The following CPNE1 variants were observed in gnomAD, a reference collection of about 807,000 sequenced individuals.
The protein encoded by CPNE1 is copine-1.
A neutral mutation model predicts 63.2 loss-of-function variants in CPNE1; 58 were observed. That is an observed-to-expected ratio of 0.92 (90% CI 0.74 to 1.14). The LOEUF (loss-of-function observed/expected upper bound fraction) is 1.14. CPNE1 is among the 50% of genes most tolerant of loss of function. The pLI, the probability that CPNE1 is intolerant of heterozygous loss-of-function variation, is 0.00. For synonymous variants in CPNE1, 237 were observed against 249.0 expected, an observed-to-expected ratio of 0.95 and a Z score of 0.45; for missense variants, 672 against 661.7, an observed-to-expected ratio of 1.02 and a Z score of -0.17.
intron 1 of CPNE1, chr20:35,649,878 C>G (rs982094776): frequency 6.6e-6 from 1 of 152,194 alleles, no homozygotes; most frequent in Non-Finnish European, 1.5e-5. Context: ...TTGAAAATAT[C>G]ATGATAGTGT....
intron 13 of CPNE1, 137 bp from the exon 14 acceptor site, chr20:35,627,550 C>A: frequency 4.9e-6 from 4 of 818,110 alleles, no homozygotes; most frequent in African/African-American, 1.7e-5. Context: ...AACCAGGGTA[C>A]TTAACTGTCT....
chr20:35,657,681 C>T (rs928959271), intron 1 of CPNE1, among the ~76,000 whole-genome samples: 1 of 152,154 alleles, frequency 6.6e-6, no homozygotes, highest in Non-Finnish European at 1.5e-5. Flanking sequence ...CTGGAAAGGG[C>T]TGAATATTAA....
At chr20:35,647,699 G>A (rs1003755567) in intron 1 of CPNE1, among the ~76,000 whole-genome samples, 2 of 152,028 alleles carry the variant, frequency 1.3e-5, no homozygotes, top group African/African-American at 4.8e-5. Context: ...GGATGCTTTT[G>A]AGACTCTAAC....
intron 13 of CPNE1, among the ~76,000 whole-genome samples, chr20:35,628,468 A>G (rs2031911973): frequency 6.6e-6 from 1 of 152,212 alleles, no homozygotes; most frequent in Admixed American, 6.5e-5. Flanking sequence ...CAAAGTCAAC[A>G]TGACTGGTAA....
chr20:35,652,830 G>A (rs560955830), intron 1 of CPNE1: 11 of 1,604,004 alleles, frequency 6.9e-6, no homozygotes, highest in East Asian at 4.5e-5. Context: ...GGCCGGGGCC[G>A]GGGCCGGGGC....
At chr20:35,648,582 T>C (rs1298360226) in intron 1 of CPNE1, among the ~76,000 whole-genome samples, 1 of 152,238 alleles carries the variant, frequency 6.6e-6, no homozygotes, top group Non-Finnish European at 1.5e-5. Context: ...ATTATATGTC[T>C]AGCCCCCTCT....
chr20:35,632,928 G>A lies in CPNE1; in HGVS notation c.1-5C>T, dbSNP rs574167134. ...CAAGGTCACGCAGTGGGCCATCTGA[G>A]GGAAAAGGAGCTGGGTCAAGCACCA... On this transcript the variant is annotated splice_polypyrimidine_tract_variant and splice_region_variant and intron_variant, in intron 1 of 15. Transcript: ENST00000397443. 2 of 870,234 alleles carry A rather than the reference G, an allele frequency of 2.3e-6. No homozygotes were observed. The highest frequency in any genetic ancestry group is 1.6e-5 in the African/African-American group (1 of 61,402). 53.9% of individuals were successfully genotyped at this position (870,234 alleles called of 1,614,324 possible).
intron 1 of CPNE1, among the ~76,000 whole-genome samples, chr20:35,659,246 G>C (rs1018086391): frequency 6.6e-6 from 1 of 151,662 alleles, no homozygotes; most frequent in Non-Finnish European, 1.5e-5. Context: ...ATTTACAAGA[G>C]TGTCATTAAC....
intron 1 of CPNE1, chr20:35,649,365 G>A (rs1331225744): frequency 6.6e-6 from 1 of 152,146 alleles, no homozygotes; most frequent in Non-Finnish European, 1.5e-5. Context: ...TTTTATGCAA[G>A]GCTGACTATT....
intron 14 of CPNE1, 24 bp downstream of exon 14, chr20:35,627,250 ACCACTG>A: frequency 6.4e-7 from 1 of 1,556,068 alleles, no homozygotes; most frequent in South Asian, 1.1e-5. Flanking sequence ...CTTGATTGCC[ACCACTG>A]CCACTGCCAC....
At chr20:35,642,785 A>G (rs926444573) in intron 1 of CPNE1, among the ~76,000 whole-genome samples, 5 of 152,230 alleles carry the variant, frequency 3.3e-5, no homozygotes. Context: ...AATGGTACTC[A>G]TAAACTGAAA....
At chr20:35,632,083 C>T (rs1314429533) in intron 5 of CPNE1, 58 bp from the exon 6 acceptor site, 10 of 1,603,272 alleles carry the variant, frequency 6.2e-6, no homozygotes, top group East Asian at 4.5e-5. Flanking sequence ...TATGCCATCC[C>T]TCTGTCCACA....
intron 1 of CPNE1, among the ~76,000 whole-genome samples, chr20:35,644,394 C>T (rs1206258042): frequency 6.6e-6 from 1 of 152,158 alleles, no homozygotes; most frequent in Non-Finnish European, 1.5e-5. Context: ...CACTACCACA[C>T]TAGGGAAACC....
chr20:35,650,842 T>A (rs1434952240), intron 1 of CPNE1: 1 of 152,608 alleles, frequency 6.6e-6, no homozygotes, highest in Non-Finnish European at 1.5e-5. Context: ...TGTATATATA[T>A]ATAGTTTAAT....
rs768325036 is a variant in CPNE1, at chr20:35,631,987, G to C, written c.495C>G (p.Phe165Leu). Residue 165 changes from phenylalanine (F) to leucine (L), a missense_variant, in exon 6 of 16, where the codon TTC becomes TTG. Physicochemically the swap from Phe to Leu is conservative, Grantham distance 22. Transcript: ENST00000397443. ...GGTGCCATTTCCCATCACCCTGGCG[G>C]AAGAACTCCAGAAATGGATCTGATT... ...LGKSDPFLEFFRQGDGKWHLV... is the reference protein window; with the variant it reads ...LGKSDPFLEFLRQGDGKWHLV... 1.2e-6 allele frequency: 2 copies of C among 1,614,102 alleles called. No homozygotes were observed. The highest frequency in any genetic ancestry group is 2.2e-5 in the East Asian group (1 of 44,882).
At chr20:35,648,230 A>G (rs1256919849) in intron 1 of CPNE1, among the ~76,000 whole-genome samples, 2 of 152,204 alleles carry the variant, frequency 1.3e-5, no homozygotes, top group Admixed American at 1.3e-4. Flanking sequence ...ATCAGATTCT[A>G]TACTAAAAAG....
At chr20:35,633,903 G>GCACTCAGCTCACT (rs377134519) in intron 1 of CPNE1, among the ~76,000 whole-genome samples, 1 of 147,626 alleles carries the variant, frequency 6.8e-6, no homozygotes, top group Non-Finnish European at 1.5e-5. Context: ...AGGTTGCAGT[G>GCACTCAGCTCACT]AGCCGAGACT....
At position 35,632,893 on chromosome 20, in the gene CPNE1, A is replaced by G. The variant is rs879941215; in HGVS notation, c.31T>C (p.Ser11Pro). Residue 11 changes from serine to proline, a missense_variant, in exon 2 of 16, where the codon TCC becomes CCC. Transcript: ENST00000397443. MAHCVTLVQL[S>P]ISCDHLIDKD... Reference sequence around the variant, plus strand: ...TCAATGAGATGGTCACAGGAAATGGACAGCTGAACCAAGGTCACGCAGTGG... The same window carrying G: ...TCAATGAGATGGTCACAGGAAATGGGCAGCTGAACCAAGGTCACGCAGTGG... 7 of 872,796 alleles carry G rather than the reference A, an allele frequency of 8.0e-6. No individual in the cohort carries two copies. Among genetic ancestry groups the G allele is most frequent in the Non-Finnish European group, 1.4e-5 (7 of 501,642 alleles). The allele number at this position is 872,796 out of a possible 1,614,324, so 54.1% of individuals were successfully genotyped here. A position where few individuals can be genotyped will look rare whatever the true frequency, so the allele number is the denominator to read the frequency against.
In CPNE1 at chr20:35,630,165, G is replaced by A. The variant is rs151197637; in HGVS notation, c.1102+274C>T. Among the ~76,000 whole-genome samples the A allele has an allele frequency of 8.7e-3, 1,329 of 152,316 alleles. 8 individuals are homozygous for A. Among genetic ancestry groups the A allele is most frequent in the Non-Finnish European group, 0.014 (954 of 68,032 alleles). On this transcript the variant is annotated intron_variant, in intron 13 of 15. Transcript: ENST00000397443. The stretch of plus-strand genomic sequence containing the variant: ...AAAAATTAGCCAGGCACGGTGGCAA[G>A]CGACTGTAGTCCCAGCTACTTGGGA...
Sources: gnomAD v4.1 joint callset for allele counts (sites outside exome capture counted in the v4.1 genomes callset) on GRCh38, gnomAD v4.1.1 for gene constraint, MANE v1.5 for transcripts, NCBI Gene and HGNC (gene_info 2026-07-23, HGNC 2026-07-21) for gene names.